The following STARD13 variants were observed in gnomAD, a reference collection of about 807,000 sequenced individuals.
STARD13 encodes StAR related lipid transfer domain containing 13.
Under a neutral mutation model 106.4 loss-of-function variants are expected in STARD13, and 62 were observed. The observed-to-expected ratio is 0.58, with a 90% CI of 0.48 to 0.72. STARD13 has a LOEUF of 0.72. Ranked by LOEUF, STARD13 falls within the 30% of genes least tolerant of loss-of-function variation. The pLI is 0.00. For synonymous variants in STARD13, 565 were observed against 553.0 expected, an observed-to-expected ratio of 1.02 and a Z score of -0.31; for missense variants, 1,387 against 1,424.0, an observed-to-expected ratio of 0.97 and a Z score of 0.42.
At chr13:33,603,322 A>G in the STARD13 span, among the ~76,000 whole-genome samples, 7 of 152,138 alleles carry the variant, frequency 4.6e-5, no homozygotes, top group Non-Finnish European at 1.5e-5. Context: ...TTCCTTGGCA[A>G]TACTCGTTGT....
the STARD13 span, among the ~76,000 whole-genome samples, chr13:33,653,370 C>T: frequency 6.6e-6 from 1 of 152,122 alleles, no homozygotes; most frequent in African/African-American, 2.4e-5. Flanking sequence ...CAAAAATAAA[C>T]CCATACCTCT....
chr13:33,368,778 G>C, the STARD13 span, among the ~76,000 whole-genome samples: 2 of 152,138 alleles, frequency 1.3e-5, no homozygotes, highest in Admixed American at 1.3e-4. Context: ...ACCCTCCTCC[G>C]AGCAGCACTC....
the STARD13 span, among the ~76,000 whole-genome samples, chr13:33,599,612 A>G: frequency 6.6e-6 from 1 of 152,162 alleles, no homozygotes; most frequent in Non-Finnish European, 1.5e-5. Context: ...AATATTTTCC[A>G]CAAGAAGGCC....
chr13:33,306,712 G>T (rs553376037), intron 1 of STARD13, among the ~76,000 whole-genome samples: 1 of 152,346 alleles, frequency 6.6e-6, no homozygotes, highest in African/African-American at 2.4e-5. Context: ...AATTTTGGGA[G>T]GCCAAGGTGG....
At chr13:33,538,443 A>T in the STARD13 span, among the ~76,000 whole-genome samples, 5 of 152,218 alleles carry the variant, frequency 3.3e-5, no homozygotes, top group Non-Finnish European at 7.3e-5. Flanking sequence ...GCTGGGACAC[A>T]GAAAGGGTCA....
At chr13:33,444,301 A>G in the STARD13 span, among the ~76,000 whole-genome samples, 1 of 152,224 alleles carries the variant, frequency 6.6e-6, no homozygotes, top group African/African-American at 2.4e-5. Flanking sequence ...TGTAAGAATT[A>G]TCTCATGGAT....
the STARD13 span, among the ~76,000 whole-genome samples, chr13:33,595,558 C>T: frequency 6.6e-6 from 1 of 152,030 alleles, no homozygotes; most frequent in Non-Finnish European, 1.5e-5. Context: ...TTAAATTATA[C>T]CTAAGTCTTT....
At chr13:33,488,905 A>C in the STARD13 span, among the ~76,000 whole-genome samples, 1 of 152,198 alleles carries the variant, frequency 6.6e-6, no homozygotes, top group Non-Finnish European at 1.5e-5. Flanking sequence ...CCTGAATTTC[A>C]GACTCATATT....
At chr13:33,347,161 TTCAG>T (rs1374045175), downstream of STARD13, among the ~76,000 whole-genome samples, 1 of 152,224 alleles carries the variant, frequency 6.6e-6, no homozygotes, top group Non-Finnish European at 1.5e-5. Flanking sequence ...CACGCAACGT[TTCAG>T]TCAATGATGA....
At chr13:33,475,293 T>A in the STARD13 span, among the ~76,000 whole-genome samples, 3 of 152,176 alleles carry the variant, frequency 2.0e-5, no homozygotes, top group Non-Finnish European at 4.4e-5. Flanking sequence ...TAATTCTGTA[T>A]GTAAAATGTG....
the STARD13 span, among the ~76,000 whole-genome samples, chr13:33,499,605 TTCTTCTTCTTCTTCTTCTTCTTCTTC>T: frequency 3.7e-5 from 1 of 27,284 alleles, no homozygotes; most frequent in African/African-American, 1.4e-4. Context: ...TTCTTCTTCT[TTCTTCTTCTTCTTCTTCTTCTTCTTC>T]TTCTTCTTCT....
chr13:33,255,136 G>A (rs537764569), intron 1 of STARD13, among the ~76,000 whole-genome samples: 8 of 151,398 alleles, frequency 5.3e-5, no homozygotes, highest in South Asian at 2.1e-4. Context: ...TTCAGAGACC[G>A]AGCAGGTGAG....
At chr13:33,595,363 C>A in the STARD13 span, among the ~76,000 whole-genome samples, 3 of 152,208 alleles carry the variant, frequency 2.0e-5, no homozygotes, top group East Asian at 5.8e-4. Flanking sequence ...GAGAACATGT[C>A]AGCTAGAGCA....
intron 1 of STARD13, among the ~76,000 whole-genome samples, chr13:33,207,864 C>G (rs1256512653): frequency 1.3e-5 from 2 of 152,190 alleles, no homozygotes; most frequent in African/African-American, 2.4e-5. Context: ...ATCTGTGACC[C>G]TGCCCCGCCC....
the STARD13 span, among the ~76,000 whole-genome samples, chr13:33,453,479 T>C: frequency 2.0e-5 from 3 of 152,200 alleles, no homozygotes; most frequent in African/African-American, 7.2e-5. Context: ...TTCTTTCAAG[T>C]ATAGAGAAAA....
chr13:33,443,645 G>A, the STARD13 span, among the ~76,000 whole-genome samples: 1 of 152,024 alleles, frequency 6.6e-6, no homozygotes, highest in African/African-American at 2.4e-5. Flanking sequence ...CAGCACTTTC[G>A]GAGGCCAAGG....
At chr13:33,164,642 G>T (rs1379818722) in intron 3 of STARD13, among the ~76,000 whole-genome samples, 1 of 152,188 alleles carries the variant, frequency 6.6e-6, no homozygotes, top group East Asian at 1.9e-4. Flanking sequence ...GCTTTTCCTG[G>T]ATCTTTTATT....
In STARD13 at chr13:33,315,541, C is replaced by T. The variant is rs184424481; in HGVS notation, c.124+34749G>A. On this transcript the variant is annotated intron_variant, in intron 1 of 5. Coordinates refer to the STARD13 transcript ENST00000567873. ...TGGCAGAGTTAGCATCCACTGACAG[C>T]AATGGTAAATAGAAACTCTTTGTGA... 8.3e-4 allele frequency among the ~76,000 whole-genome samples: 127 copies of T among 152,248 alleles called. 1 individual carries two copies. Among genetic ancestry groups the T allele is most frequent in the Admixed American group, 3.6e-3 (55 of 15,288 alleles).
chr13:33,269,559 AC>A (rs1702208922), intron 1 of STARD13, among the ~76,000 whole-genome samples: 1 of 152,212 alleles, frequency 6.6e-6, no homozygotes, highest in Admixed American at 6.5e-5. Context: ...ACACAAAATC[AC>A]GGCCTTAGGC....
Sources: allele counts gnomAD v4.1 joint callset (sites outside exome capture counted in the v4.1 genomes callset), GRCh38; gene constraint gnomAD v4.1.1; transcripts MANE v1.5; gene names NCBI Gene and HGNC (gene_info 2026-07-23, HGNC 2026-07-21).